VSTM2B: variants seen among roughly 807,000 people sequenced by gnomAD.
The protein encoded by VSTM2B is V-set and transmembrane domain-containing protein 2B.
A neutral mutation model predicts 24.0 loss-of-function variants in VSTM2B; 24 were observed. That is an observed-to-expected ratio of 1.00 (90% confidence interval 0.72 to 1.40). VSTM2B has a LOEUF of 1.40. VSTM2B is among the 40% of genes most tolerant of loss of function. The pLI, the probability that VSTM2B is intolerant of heterozygous loss-of-function variation, is 0.00. For missense variants in VSTM2B, 399 were observed against 416.4 expected, an observed-to-expected ratio of 0.96 and a Z score of 0.36; for synonymous variants, 226 against 194.4, an observed-to-expected ratio of 1.16 and a Z score of -1.35.
chr19:29,556,150 GA>G (rs35566208), intron 4 of VSTM2B, among the ~76,000 whole-genome samples: 12,300 of 149,452 alleles, frequency 0.082, 1,068 homozygotes, highest in African/African-American at 0.22. Context: ...GATGAACATC[GA>G]TGCAAAAATA....
rs1463758553 is a variant in VSTM2B, at chr19:29,547,605, C to A, written c.770-16241C>A. 2.6e-5 allele frequency among the ~76,000 whole-genome samples: 4 copies of A among 152,126 alleles called. No individual in the cohort carries two copies. The East Asian group carries it at 5.8e-4, about 22-fold the overall frequency. On this transcript the variant is annotated intron_variant, in intron 4 of 4. Coordinates refer to ENST00000335523, the MANE Select transcript of VSTM2B (RefSeq NM_001146339.2). ...GAGAGAGGGAGGCCCTAGGCCAGCC[C>A]TCTGACGCATGGGCTTCCTCCACGA...
At chr19:29,545,786 T>C (rs1197080535) in intron 4 of VSTM2B, among the ~76,000 whole-genome samples, 1 of 152,156 alleles carries the variant, frequency 6.6e-6, no homozygotes, top group Non-Finnish European at 1.5e-5. Flanking sequence ...ATGAGTGCTA[T>C]GATGAACATA....
chr19:29,547,408 C>T (rs1031422538), intron 4 of VSTM2B, among the ~76,000 whole-genome samples: 10 of 152,166 alleles, frequency 6.6e-5, no homozygotes, highest in Admixed American at 1.3e-4. Context: ...TGCTGCAGTA[C>T]CTGGCCCTAA....
In VSTM2B at chr19:29,529,532, G is replaced by A. The variant is rs959539102; in HGVS notation, c.298-287G>A. The stretch of plus-strand genomic sequence containing the variant: ...TGAAGCGCCAGCTACGGGAAGACAA[G>A]CAGTGTTGGTTTGTATGGGCGGGGC... On this transcript the variant is annotated intron_variant, in intron 3 of 4. Transcript: ENST00000335523. 5.3e-5 allele frequency among the ~76,000 whole-genome samples: 8 copies of A among 152,328 alleles called. 1 individual carries two copies. Among genetic ancestry groups the A allele is most frequent in the African/African-American group, 1.9e-4 (8 of 41,582 alleles).
At chr19:29,544,115 C>T (rs376154394) in intron 4 of VSTM2B, among the ~76,000 whole-genome samples, 2 of 148,162 alleles carry the variant, frequency 1.3e-5, no homozygotes, top group African/African-American at 2.5e-5. Flanking sequence ...ATATATATAC[C>T]TATATATATA....
chr19:29,552,038 A>G (rs1568445814), intron 4 of VSTM2B, among the ~76,000 whole-genome samples: 1 of 152,226 alleles, frequency 6.6e-6, no homozygotes, highest in African/African-American at 2.4e-5. Context: ...AGTGCTGGAC[A>G]TTGGAACAGA....
intron 4 of VSTM2B, among the ~76,000 whole-genome samples, chr19:29,548,573 C>T (rs1237741611): frequency 2.6e-5 from 4 of 152,190 alleles, no homozygotes; most frequent in African/African-American, 7.2e-5. Context: ...GGGAGGCAGC[C>T]TCCTTGCAAG....
chr19:29,562,540 G>A (rs1970554647), intron 4 of VSTM2B, among the ~76,000 whole-genome samples: 1 of 152,316 alleles, frequency 6.6e-6, no homozygotes, highest in Non-Finnish European at 1.5e-5. Context: ...GTCAAGAGAA[G>A]GGAGGAGAGA....
intron 4 of VSTM2B, among the ~76,000 whole-genome samples, chr19:29,533,469 T>C (rs1599879611): frequency 6.6e-6 from 1 of 152,102 alleles, no homozygotes; most frequent in South Asian, 2.1e-4. Flanking sequence ...CAAGTCTCCT[T>C]TGGGGTGCCC....
At chr19:29,553,913 A>G (rs1417173810) in intron 4 of VSTM2B, among the ~76,000 whole-genome samples, 1 of 152,230 alleles carries the variant, frequency 6.6e-6, no homozygotes, top group East Asian at 1.9e-4. Flanking sequence ...TCCAAGAACT[A>G]TGGGATTATG....
intron 4 of VSTM2B, 23 bp from the exon 5 acceptor site, chr19:29,563,823 G>A (rs968266802): frequency 6.5e-7 from 1 of 1,549,610 alleles, no homozygotes; most frequent in African/African-American, 1.4e-5. Flanking sequence ...TGTTAACCTT[G>A]CCTGTTTTCT....
intron 4 of VSTM2B, among the ~76,000 whole-genome samples, chr19:29,531,774 G>T (rs1969765246): frequency 6.6e-6 from 1 of 152,228 alleles, no homozygotes; most frequent in South Asian, 2.1e-4. Context: ...TAGGTGCTGT[G>T]ACAAATAAAC....
intron 4 of VSTM2B, among the ~76,000 whole-genome samples, chr19:29,560,805 G>A (rs1970506721): frequency 2.6e-5 from 4 of 152,190 alleles, no homozygotes; most frequent in Admixed American, 2.6e-4. Context: ...AATTTTAAAT[G>A]TCTCCTGAAA....
At chr19:29,534,526 C>A (rs1969840977) in intron 4 of VSTM2B, among the ~76,000 whole-genome samples, 1 of 152,076 alleles carries the variant, frequency 6.6e-6, no homozygotes, top group South Asian at 2.1e-4. Flanking sequence ...ACCAGCCTGG[C>A]CAACATGATG....
At chr19:29,562,858 C>A (rs1327834403) in intron 4 of VSTM2B, among the ~76,000 whole-genome samples, 1 of 152,150 alleles carries the variant, frequency 6.6e-6, no homozygotes, top group African/African-American at 2.4e-5. Flanking sequence ...GGTGTTACAG[C>A]ATCCATGGCA....
chr19:29,561,414 A>G (rs186566151), intron 4 of VSTM2B, among the ~76,000 whole-genome samples: 144 of 152,308 alleles, frequency 9.5e-4, no homozygotes, highest in African/African-American at 3.3e-3. Flanking sequence ...ACCTGAGGTC[A>G]GGAGTTCGAG....
intron 1 of VSTM2B, 94 bp from the exon 2 acceptor site, chr19:29,527,117 G>C (rs977814579): frequency 8.5e-7 from 1 of 1,174,286 alleles, no homozygotes; most frequent in East Asian, 2.7e-5. Context: ...GGGGGCACAA[G>C]GCCAGCCAGC....
Position 29,526,184 on chromosome 19 carries a change from A to G in VSTM2B, c.-400A>G, listed in dbSNP as rs1035654183. On this transcript the variant is annotated 5_prime_UTR_variant, in exon 1 of 5. Coordinates refer to ENST00000335523, the MANE Select transcript of VSTM2B (RefSeq NM_001146339.2). This position sits in a 1 kb window ranked among gnomAD's most constrained non-coding sequence, Gnocchi z 4.1. ...GGAGCAGAACCAGAAGGAGACAGGG[A>G]GGCAGAAGCTCGCGGCTCCGTGGCA... Among the ~76,000 whole-genome samples, 5 of 151,922 alleles carry G rather than the reference A, an allele frequency of 3.3e-5. No individual in the cohort carries two copies. The highest frequency in any genetic ancestry group is 2.6e-4 in the Admixed American group (4 of 15,272).
Position 29,526,713 on chromosome 19 carries a change from C to T in VSTM2B, c.82+48C>T. 1.4e-6 allele frequency: 2 copies of T among 1,451,258 alleles called. No individual in the cohort carries two copies. The highest frequency in any genetic ancestry group is 2.6e-5 in the East Asian group (1 of 38,582). The allele number at this position is 1,451,258 out of a possible 1,614,324, so 89.9% of individuals were successfully genotyped here. A position where few individuals can be genotyped will look rare whatever the true frequency, so the allele number is the denominator to read the frequency against. ...CGCTGTGGACTCGGGGGGGTCTTTG[C>T]TGGGGCCGCCACCGAGAAGAAGAAG... is the stretch of plus-strand genomic sequence containing the variant. On this transcript the variant is annotated intron_variant, in intron 1 of 4. Coordinates refer to ENST00000335523, the MANE Select transcript of VSTM2B (RefSeq NM_001146339.2). This position sits in a 1 kb window ranked among gnomAD's most constrained non-coding sequence, Gnocchi z 4.1.
Sources: gnomAD v4.1 joint callset for allele counts (sites outside exome capture counted in the v4.1 genomes callset) on GRCh38, gnomAD v4.1.1 for gene constraint, Gnocchi (gnomAD v3.1) non-coding constraint, MANE v1.5 for transcripts, NCBI Gene and HGNC (gene_info 2026-07-23, HGNC 2026-07-21) for gene names.